HUNK: variants seen among roughly 807,000 people sequenced by gnomAD.
HUNK encodes hormonally up-regulated Neu-associated kinase, also known as hormonally up-regulated neu tumor-associated kinase.
In HUNK, 21 loss-of-function variants were observed where a neutral mutation model predicts 61.0. The ratio of observed to expected loss-of-function variants is 0.34; its 90% CI spans 0.24 to 0.50. The LOEUF (loss-of-function observed/expected upper bound fraction) is 0.50, where lower values mean the gene tolerates loss of function less well. Ranked by LOEUF, HUNK falls within the 20% of genes least tolerant of loss-of-function variation. HUNK has a pLI of 0.98. For synonymous variants in HUNK, 371 were observed against 386.1 expected, an observed-to-expected ratio of 0.96 and a Z score of 0.46; for missense variants, 772 against 945.7, an observed-to-expected ratio of 0.82 and a Z score of 2.41.
At chr21:31,995,982 C>A in intron 10 of HUNK, 34 bp downstream of exon 10, 2 of 1,535,328 alleles carry the variant, frequency 1.3e-6, no homozygotes, top group South Asian at 1.2e-5. Flanking sequence ...TCAGGCCACT[C>A]GTGTTGGGCT....
intron 5 of HUNK, among the ~76,000 whole-genome samples, chr21:31,959,393 A>C (rs2052912479): frequency 6.6e-6 from 1 of 152,180 alleles, no homozygotes; most frequent in African/African-American, 2.4e-5. Context: ...TGTTTGTTGC[A>C]TTCAAGTTGG....
At chr21:31,961,321 TC>T (rs1273686854) in intron 5 of HUNK, among the ~76,000 whole-genome samples, 1 of 152,240 alleles carries the variant, frequency 6.6e-6, no homozygotes, top group Non-Finnish European at 1.5e-5. Context: ...TTGAGTTGTT[TC>T]CAGTTTGGGG....
chr21:31,940,110 A>T (rs1410309467), intron 2 of HUNK, 55 bp from the exon 3 acceptor site: 1 of 1,407,564 alleles, frequency 7.1e-7, no homozygotes, highest in Non-Finnish European at 9.9e-7. Flanking sequence ...AGCAAAATGT[A>T]ATTCCATTAT....
intron 2 of HUNK, among the ~76,000 whole-genome samples, chr21:31,925,260 G>A (rs747357145): frequency 1.7e-4 from 26 of 152,238 alleles, no homozygotes; most frequent in Non-Finnish European, 2.8e-4. Flanking sequence ...CCCTGGGCAA[G>A]TTACTTAACC....
At position 31,900,261 on chromosome 21, in the gene HUNK, G is replaced by A. The variant is rs566822161; in HGVS notation, c.262-24207G>A. 1.5e-4 allele frequency among the ~76,000 whole-genome samples: 23 copies of A among 152,180 alleles called. 1 individual carries two copies. The highest frequency in any genetic ancestry group is 4.6e-4 in the African/African-American group (19 of 41,522). On this transcript the variant is annotated intron_variant, in intron 1 of 10. Coordinates refer to ENST00000270112, the MANE Select transcript of HUNK (RefSeq NM_014586.2). The stretch of plus-strand genomic sequence containing the variant: ...TAGCTCCTTCCAGCCCCACTGAAAT[G>A]CCACGTTAGTTCTTCCTGGAGCCTG...
chr21:31,908,506 C>A (rs902700158), intron 1 of HUNK, among the ~76,000 whole-genome samples: 13 of 151,924 alleles, frequency 8.6e-5, no homozygotes, highest in African/African-American at 2.9e-4. Context: ...AGGGGATGAA[C>A]CGGTCGGGCA....
intron 1 of HUNK, among the ~76,000 whole-genome samples, chr21:31,896,598 A>C (rs929328533): frequency 1.3e-5 from 2 of 152,190 alleles, no homozygotes; most frequent in African/African-American, 2.4e-5. Context: ...AAAAACAAGA[A>C]AATGTTGTCC....
Position 31,999,350 on chromosome 21 carries a change from AC to A in HUNK, c.*171del. ...CTGCACAACCCAACCTCGCTTAGGG[AC>A]CCCCAGAGATGCTGGAATCGCTAGG... On this transcript the variant is annotated 3_prime_UTR_variant, in exon 11 of 11. Coordinates refer to ENST00000270112, the MANE Select transcript of HUNK (RefSeq NM_014586.2). 1 of 593,954 alleles carries A rather than the reference AC, an allele frequency of 1.7e-6. No individual in the cohort carries two copies. 36.8% of individuals were successfully genotyped at this position (593,954 alleles called of 1,614,324 possible).
At chr21:31,982,977 A>AT (rs1009521620) in intron 7 of HUNK, among the ~76,000 whole-genome samples, 8 of 151,778 alleles carry the variant, frequency 5.3e-5, no homozygotes, top group African/African-American at 1.9e-4. Context: ...CTATTTTTGT[A>AT]TTTTTACTAG....
At chr21:31,975,172 A>G (rs1418906412) in intron 7 of HUNK, among the ~76,000 whole-genome samples, 2 of 146,804 alleles carry the variant, frequency 1.4e-5, no homozygotes, top group East Asian at 3.9e-4. Context: ...GAAAATAAGA[A>G]CAAAATTGGA....
rs1568945922 is a variant in HUNK, at chr21:31,998,956, A to T, written c.1917A>T (p.Pro639=). The T allele has an allele frequency of 2.5e-6, 4 of 1,613,990 alleles. No individual in the cohort carries two copies. Among genetic ancestry groups the T allele is most frequent in the Non-Finnish European group, 3.4e-6 (4 of 1,180,006 alleles). ...CAAAAGAGGAGGGCCTGTGTTGCCC[A>T]CCTCCGGTTCCCAGCAATGGCCCCA... ...SPPKEEGLCC[P]PPVPSNGPMQ... Residue 639 remains proline (P), a synonymous_variant, in exon 11 of 11, where the codon CCA becomes CCT. Coordinates refer to ENST00000270112, the MANE Select transcript of HUNK (RefSeq NM_014586.2).
intron 7 of HUNK, among the ~76,000 whole-genome samples, chr21:31,977,663 A>G (rs1266493805): frequency 6.6e-6 from 1 of 152,218 alleles, no homozygotes; most frequent in Non-Finnish European, 1.5e-5. Context: ...GAGACATTTT[A>G]TCTGAAGCTT....
chr21:31,959,080 TG>T (rs1321986359), intron 5 of HUNK, 110 bp downstream of exon 5: 1 of 1,137,974 alleles, frequency 8.8e-7, no homozygotes, highest in Non-Finnish European at 1.2e-6. Flanking sequence ...GTCTATCCCA[TG>T]GTTATAAGTT....
At chr21:31,947,348 T>G (rs2052814588) in intron 4 of HUNK, among the ~76,000 whole-genome samples, 1 of 145,262 alleles carries the variant, frequency 6.9e-6, no homozygotes, top group African/African-American at 2.6e-5. Context: ...CGCCTGCGCA[T>G]TCCCACATCC....
At chr21:31,968,645 G>A (rs933532352) in intron 6 of HUNK, among the ~76,000 whole-genome samples, 3 of 152,058 alleles carry the variant, frequency 2.0e-5, no homozygotes, top group African/African-American at 7.2e-5. Flanking sequence ...GGCTTTGAGG[G>A]TCTGTATCTT....
At chr21:31,898,445 T>G (rs1293316710) in intron 1 of HUNK, among the ~76,000 whole-genome samples, 1 of 152,116 alleles carries the variant, frequency 6.6e-6, no homozygotes, top group East Asian at 1.9e-4. Context: ...TTTTGTATTT[T>G]TAGTAGAGAC....
intron 2 of HUNK, among the ~76,000 whole-genome samples, chr21:31,935,375 A>G (rs985739249): frequency 2.0e-5 from 3 of 152,178 alleles, no homozygotes; most frequent in Non-Finnish European, 4.4e-5. Context: ...CCCCTGGCAC[A>G]TTTGTTACAA....
chr21:31,998,004 A>G (rs2053217864), intron 10 of HUNK, among the ~76,000 whole-genome samples: 1 of 151,864 alleles, frequency 6.6e-6, no homozygotes, highest in African/African-American at 2.4e-5. Flanking sequence ...TGCAGCCTCC[A>G]CTTCCCAGGC....
intron 4 of HUNK, among the ~76,000 whole-genome samples, chr21:31,951,041 T>G (rs2052846121): frequency 6.6e-6 from 1 of 152,070 alleles, no homozygotes; most frequent in African/African-American, 2.4e-5. Flanking sequence ...GAAGCCATAA[T>G]TAACAATGGA....
Sources: allele counts gnomAD v4.1 joint callset (sites outside exome capture counted in the v4.1 genomes callset), GRCh38; gene constraint gnomAD v4.1.1; transcripts MANE v1.5; gene names NCBI Gene and HGNC (gene_info 2026-07-23, HGNC 2026-07-21).